The following GAK variants were observed in gnomAD, a reference collection of about 807,000 sequenced individuals.
GAK encodes the protein cyclin G associated kinase.
Under a neutral mutation model 143.9 loss-of-function variants are expected in GAK, and 79 were observed. The observed-to-expected ratio is 0.55, with a 90% CI of 0.46 to 0.66. The LOEUF is 0.66. GAK is among the 30% of genes least tolerant of loss of function. The pLI is 0.00. For synonymous variants in GAK, 881 were observed against 765.5 expected, an observed-to-expected ratio of 1.15 and a Z score of -2.49; for missense variants, 1,693 against 1,779.7, an observed-to-expected ratio of 0.95 and a Z score of 0.88.
chr4:874,719 G>A (rs541162327), intron 18 of GAK, among the ~76,000 whole-genome samples: 2 of 150,880 alleles, frequency 1.3e-5, no homozygotes, highest in South Asian at 4.2e-4. Flanking sequence ...TGATTTCGTG[G>A]TTCTGACGTC....
At chr4:857,987 CCT>C (rs1393522259) in intron 24 of GAK, among the ~76,000 whole-genome samples, 2 of 152,176 alleles carry the variant, frequency 1.3e-5, no homozygotes, top group Non-Finnish European at 2.9e-5. Context: ...CTTGAGACCT[CCT>C]CTCTGGCCCA....
chr4:928,866 C>T (rs560100238), intron 1 of GAK, among the ~76,000 whole-genome samples: 99 of 152,138 alleles, frequency 6.5e-4, no homozygotes, highest in Non-Finnish European at 1.3e-3. Context: ...CAGGTTCAAG[C>T]GATTCTCCTG....
chr4:885,155 T>C (rs1443724410), intron 11 of GAK, among the ~76,000 whole-genome samples: 1 of 150,928 alleles, frequency 6.6e-6, no homozygotes, highest in Non-Finnish European at 1.5e-5. Flanking sequence ...AGGATGCGGG[T>C]CTTCCAAAGC....
chr4:873,112 T>C (rs1366450947), intron 18 of GAK, among the ~76,000 whole-genome samples: 2 of 152,220 alleles, frequency 1.3e-5, no homozygotes, highest in Non-Finnish European at 2.9e-5. Flanking sequence ...TCCCAAAGTG[T>C]TGGAATTACA....
chr4:878,517 G>T (rs1024792933), intron 15 of GAK, among the ~76,000 whole-genome samples: 9 of 152,150 alleles, frequency 5.9e-5, no homozygotes, highest in African/African-American at 2.2e-4. Flanking sequence ...TTCTATTGTT[G>T]GGTGGAACGT....
At chr4:868,368 T>C (rs2306245) in intron 20 of GAK, among the ~76,000 whole-genome samples, 171 bp downstream of exon 20, 53,222 of 152,128 alleles carry the variant, frequency 0.35, 9,573 homozygotes, top group South Asian at 0.4. Flanking sequence ...AAATCATTCT[T>C]AGCTCGTGAG....
At chr4:898,471 A>G (rs1024750242) in intron 5 of GAK, among the ~76,000 whole-genome samples, 5 of 152,272 alleles carry the variant, frequency 3.3e-5, no homozygotes, top group African/African-American at 9.6e-5. Flanking sequence ...GATGTCTTAA[A>G]TTACTTCTGA....
intron 19 of GAK, among the ~76,000 whole-genome samples, chr4:870,417 C>T (rs555701831): frequency 3.3e-5 from 5 of 152,332 alleles, no homozygotes; most frequent in African/African-American, 7.2e-5. Context: ...CCCAGACACA[C>T]GCCTGGGACA....
intron 1 of GAK, among the ~76,000 whole-genome samples, chr4:922,501 C>T (rs915157609): frequency 7.5e-6 from 1 of 133,604 alleles, no homozygotes; most frequent in Non-Finnish European, 1.5e-5. Context: ...GGTGACAGAG[C>T]GAGACTCCAT....
At chr4:877,858 C>T (rs774111697) in intron 15 of GAK, 49 bp from the exon 16 acceptor site, 7 of 1,472,266 alleles carry the variant, frequency 4.8e-6, no homozygotes, top group African/African-American at 2.8e-5. Context: ...TGAGAGGGGA[C>T]CACACAGCTG....
At chr4:912,822 G>A (rs965861785) in intron 2 of GAK, 28 bp from the exon 3 acceptor site, 2 of 1,604,242 alleles carry the variant, frequency 1.2e-6, no homozygotes, top group Non-Finnish European at 1.7e-6. Context: ...ACACACAAAA[G>A]ATGAAAGCAA....
At chr4:873,123 G>A (rs1019259207) in intron 18 of GAK, among the ~76,000 whole-genome samples, 2 of 152,238 alleles carry the variant, frequency 1.3e-5, no homozygotes, top group Non-Finnish European at 2.9e-5. Flanking sequence ...TGGAATTACA[G>A]CTGTAAGCCA....
chr4:868,053 AG>A (rs1751531546), intron 20 of GAK, among the ~76,000 whole-genome samples: 1 of 152,214 alleles, frequency 6.6e-6, no homozygotes, highest in South Asian at 2.1e-4. Flanking sequence ...GTGCTGGGAC[AG>A]GAAGTGGCAG....
At chr4:888,756 A>G (rs577098674) in intron 11 of GAK, 91 bp downstream of exon 11, 9 of 1,483,802 alleles carry the variant, frequency 6.1e-6, no homozygotes, top group Non-Finnish European at 8.2e-6. Context: ...CCTGATGACC[A>G]GCTGTTCCAC....
intron 1 of GAK, among the ~76,000 whole-genome samples, chr4:923,547 T>A (rs933479981): frequency 6.6e-6 from 1 of 152,158 alleles, no homozygotes; most frequent in Non-Finnish European, 1.5e-5. Context: ...TGGTGGTGCG[T>A]GCCTGTGGTC....
At chr4:850,786 CTG>C in intron 26 of GAK, 148 bp downstream of exon 26, 1 of 831,130 alleles carries the variant, frequency 1.2e-6, no homozygotes, top group Non-Finnish European at 1.8e-6. Context: ...AGGTCCCTGT[CTG>C]GAGACGCCGG....
intron 5 of GAK, among the ~76,000 whole-genome samples, chr4:902,397 G>T (rs1256893010): frequency 2.6e-5 from 4 of 151,732 alleles, no homozygotes; most frequent in African/African-American, 9.7e-5. Context: ...TCGAGCTCAG[G>T]AGTTCTGGAC....
Position 867,782 on chromosome 4 carries a change from G to A in GAK, c.2396-350C>T, listed in dbSNP as rs562231076. On this transcript the variant is annotated intron_variant, in intron 20 of 27. Coordinates refer to ENST00000314167, the MANE Select transcript of GAK (RefSeq NM_005255.4). Reference sequence around the variant, plus strand: ...TGTCCCCATGGCACGGCCCCTCAGCGCCTCCTTGGCCCAGGGCCCTGGCGA... The same window carrying A: ...TGTCCCCATGGCACGGCCCCTCAGCACCTCCTTGGCCCAGGGCCCTGGCGA... 2.5e-3 allele frequency among the ~76,000 whole-genome samples: 386 copies of A among 152,250 alleles called. 2 individuals are homozygous for A. The highest frequency in any genetic ancestry group is 4.9e-3 in the Non-Finnish European group (332 of 68,004).
In GAK at chr4:888,560, C is replaced by T. The variant is rs80265018; in HGVS notation, c.1205+287G>A. ...CAGAGTCCCGGGAACAAGCCAGGAA[C>T]GCCCCAGAGTGAGGGGCGACATTGC... On this transcript the variant is annotated intron_variant, in intron 11 of 27. Coordinates refer to ENST00000314167, the MANE Select transcript of GAK (RefSeq NM_005255.4). The T allele has an allele frequency of 6.6e-4, 269 of 406,348 alleles. 2 individuals are homozygous for T. Among genetic ancestry groups the T allele is most frequent in the African/African-American group, 3.0e-3 (144 of 48,082 alleles). 25.2% of individuals were successfully genotyped at this position (406,348 alleles called of 1,614,324 possible).
Sources: allele counts gnomAD v4.1 joint callset (sites outside exome capture counted in the v4.1 genomes callset), GRCh38; gene constraint gnomAD v4.1.1; transcripts MANE v1.5; gene names NCBI Gene and HGNC (gene_info 2026-07-23, HGNC 2026-07-21).